Variants in PIK3C2B observed in about 807,000 individuals in gnomAD.
The protein encoded by PIK3C2B is phosphatidylinositol-4-phosphate 3-kinase catalytic subunit type 2 beta, also known as phosphatidylinositol 4-phosphate 3-kinase C2 domain-containing subunit beta.
PIK3C2B carries 83 observed loss-of-function variants against 184.3 expected under a neutral mutation model. The observed-to-expected ratio is 0.45, with a 90% CI of 0.38 to 0.54. The LOEUF (loss-of-function observed/expected upper bound fraction) is 0.54. Ranked by LOEUF, PIK3C2B falls within the 20% of genes least tolerant of loss-of-function variation. The pLI is 0.00. For missense variants in PIK3C2B, 1,736 were observed against 2,113.5 expected (o/e 0.82, Z 3.50); for synonymous variants, 779 against 837.6 (o/e 0.93, Z 1.21).
rs1675179718 is a variant in PIK3C2B at position 204,433,469 on chromosome 1, G to C, written c.3844-44C>G. On this transcript the variant is annotated intron_variant, in intron 25 of 32. Coordinates refer to ENST00000684373, the MANE Select transcript of PIK3C2B (RefSeq NM_001377334.1). This position sits in a 1 kb window ranked among gnomAD's most constrained non-coding sequence, Gnocchi z 5.0. ...AGAAGAGAGGGTGCCTGTAACAACA[G>C]AGAATTCTTGCTGCTTCTCTACCCT... 1 of 1,230,730 alleles carries C rather than the reference G, an allele frequency of 8.1e-7. No homozygotes were observed. Among genetic ancestry groups the C allele is most frequent in the Non-Finnish European group, 1.2e-6 (1 of 833,738 alleles). 76.2% of individuals were successfully genotyped at this position (1,230,730 alleles called of 1,614,324 possible). A position where few individuals can be genotyped will look rare whatever the true frequency, so the allele number is the denominator to read the frequency against.
Position 204,443,572 on chromosome 1 carries a change from A to G in PIK3C2B, c.2893T>C (p.Ser965Pro). Residue 965 changes from serine to proline, a missense_variant, in exon 19 of 33, where the codon TCT (serine) becomes CCT (proline). Physicochemically the swap from Ser to Pro is moderately conservative, Grantham distance 74. Around this residue, in one of 8 missense-constraint regions of PIK3C2B, gnomAD observed 289 missense variants for 380.4 expected, o/e 0.76. Coordinates refer to ENST00000684373, the MANE Select transcript of PIK3C2B (RefSeq NM_001377334.1). ...FWLLKDGLKD[S>P]QFSIRYQYLL... ...TACTGGTAGCGGATGCTGAACTGAG[A>G]GTCCTTGAGGCCGTCCTTCAGTAAC... 1 of 1,614,222 alleles carries G rather than the reference A, an allele frequency of 6.2e-7. No individual in the cohort carries two copies. Among genetic ancestry groups the G allele is most frequent in the African/African-American group, 1.3e-5 (1 of 75,074 alleles).
rs879476087 is a variant in PIK3C2B, at chr1:204,423,702, A to C, written c.*1150T>G. The C allele has an allele frequency of 6.6e-6, 1 of 152,662 alleles. No individual in the cohort carries two copies. The highest frequency in any genetic ancestry group is 1.5e-5 in the Non-Finnish European group (1 of 68,064). 9.5% of individuals were successfully genotyped at this position (152,662 alleles called of 1,614,324 possible). A position where few individuals can be genotyped will look rare whatever the true frequency, so the allele number is the denominator to read the frequency against. On this transcript the variant is annotated 3_prime_UTR_variant, in exon 33 of 33. Transcript: ENST00000684373. ...AGACTAAATAGGTTTATGGCCCCAC[A>C]GAATGAGGAAAAGTCTTATAAAAAG...
intron 2 of PIK3C2B, among the ~76,000 whole-genome samples, chr1:204,466,484 G>GGGGGT (rs57225523): frequency 0.12 from 18,132 of 147,372 alleles, 2,696 homozygotes; most frequent in African/African-American, 0.37. Context: ...ATGGGCGGCG[G>GGGGGT]GGGGTGGGGG....
intron 1 of PIK3C2B, among the ~76,000 whole-genome samples, chr1:204,484,165 TAGAA>T (rs935949260): frequency 6.6e-6 from 1 of 152,012 alleles, no homozygotes; most frequent in African/African-American, 2.4e-5. Flanking sequence ...ATCACAGAAA[TAGAA>T]GGAAGGAAAT....
rs116403680 is a variant in PIK3C2B at position 204,428,207 on chromosome 1, T to C, written c.4412A>G (p.Tyr1471Cys). 6.2e-7 allele frequency: 1 copy of C among 1,610,546 alleles called. No individual in the cohort carries two copies. Among genetic ancestry groups the C allele is most frequent in the East Asian group, 2.2e-5 (1 of 44,878 alleles). ...CCGGGGCAGTGGGTGGAAGAAGGTGTACACCAAATCACACTGGAACAGAAT... is the reference window on the plus strand; with the variant it reads ...CCGGGGCAGTGGGTGGAAGAAGGTGCACACCAAATCACACTGGAACAGAAT... ...PPEVAECDLV[Y>C]TFFHPLPRDE... The change falls in exon 30 of 33, where the codon TAC (tyrosine) becomes TGC (cysteine). Residue 1471 changes from tyrosine to cysteine, a missense_variant. Physicochemically the swap from Tyr to Cys is radical, Grantham distance 194 (BLOSUM62 -2). This residue lies in a region of PIK3C2B where 200 missense variants were observed against 199.1 expected (regional missense o/e 1.00). Coordinates refer to ENST00000684373, the MANE Select transcript of PIK3C2B (RefSeq NM_001377334.1).
Position 204,445,901 on chromosome 1 carries a change from G to A in PIK3C2B, c.2678+55C>T, listed in dbSNP as rs191466771. On this transcript the variant is annotated intron_variant, in intron 16 of 32. Transcript: ENST00000684373. The stretch of plus-strand genomic sequence containing the variant: ...GCTCAGATCACTGATGGGCAGTGTC[G>A]TGCCCTGGCTTCTACAAGAACACAT... The A allele has an allele frequency of 5.9e-5, 74 of 1,258,054 alleles. No individual in the cohort carries two copies. In the East Asian group the frequency reaches 1.0e-3, roughly 18 times the overall value. 77.9% of individuals were successfully genotyped at this position (1,258,054 alleles called of 1,614,324 possible).
At chr1:204,429,857 A>G (rs1469588352) in intron 29 of PIK3C2B, 64 bp downstream of exon 29, 4 of 1,077,504 alleles carry the variant, frequency 3.7e-6, no homozygotes, top group Non-Finnish European at 4.3e-6. Context: ...GGATGCTTCC[A>G]CCTCTGCCTC....
intron 16 of PIK3C2B, among the ~76,000 whole-genome samples, 167 bp downstream of exon 16, chr1:204,445,789 G>T (rs182247988): frequency 6.6e-6 from 1 of 152,094 alleles, no homozygotes; most frequent in Non-Finnish European, 1.5e-5. Context: ...ATATAACATT[G>T]AAGGGAAAAT....
chr1:204,432,536 T>A (rs746167306), intron 26 of PIK3C2B, 135 bp from the exon 27 acceptor site: 66 of 693,358 alleles, frequency 9.5e-5, no homozygotes, highest in Non-Finnish European at 1.6e-4. Flanking sequence ...CTGTGTCATA[T>A]CCTCATAAAG....
intron 1 of PIK3C2B, among the ~76,000 whole-genome samples, chr1:204,481,268 C>CTT (rs59090154): frequency 0.032 from 3,742 of 118,724 alleles, 208 homozygotes; most frequent in African/African-American, 0.072. Flanking sequence ...AGGTCACATT[C>CTT]TTTTTTTTTT....
intron 1 of PIK3C2B, among the ~76,000 whole-genome samples, chr1:204,486,185 C>T (rs1397331462): frequency 6.6e-6 from 1 of 151,448 alleles, no homozygotes; most frequent in African/African-American, 2.4e-5. Flanking sequence ...CACCAGAGGT[C>T]GGGAATTCCA....
rs1400620963 is a variant in PIK3C2B at position 204,434,441 on chromosome 1, C to T, written c.3684G>A (p.Lys1228=). The T allele has an allele frequency of 2.5e-6, 4 of 1,613,882 alleles. No individual in the cohort carries two copies. The highest frequency in any genetic ancestry group is 1.3e-5 in the African/African-American group (1 of 74,944). Residue 1228 remains lysine, a splice_region_variant and synonymous_variant, in exon 24 of 33, where the codon AAG becomes AAA. Transcript: ENST00000684373. ...TCTGGCTTCAGGAGATCACTTACCG[C>T]TTGATGTTGCCAAACATCTGGGCAT... is the stretch of plus-strand genomic sequence containing the variant. ...LGHAQMFGNI[K]RDRAPFVFTS... is the part of the protein sequence containing the mutation.
At position 204,443,550 on chromosome 1, in the gene PIK3C2B, T is replaced by C. The variant is rs761800227; in HGVS notation, c.2915A>G (p.Gln972Arg). 5.6e-5 allele frequency: 91 copies of C among 1,614,098 alleles called. No homozygotes were observed. In the South Asian group the frequency reaches 9.2e-4, roughly 16 times the overall value. The change falls in exon 19 of 33, where the codon CAG becomes CGG. Residue 972 changes from glutamine to arginine, a missense_variant. Gln to Arg is a conservative substitution (Grantham distance 43). Around this residue, in one of 8 missense-constraint regions of PIK3C2B, gnomAD observed 289 missense variants for 380.4 expected, o/e 0.76. Coordinates refer to ENST00000684373, the MANE Select transcript of PIK3C2B (RefSeq NM_001377334.1). ...LKDSQFSIRY[Q>R]YLLAALLCCC... The stretch of plus-strand genomic sequence containing the variant: ...GCACAGTAAGGCTGCCAGCAGATAC[T>C]GGTAGCGGATGCTGAACTGAGAGTC...
At chr1:204,442,072 G>A (rs981829992) in intron 20 of PIK3C2B, among the ~76,000 whole-genome samples, 5 of 152,076 alleles carry the variant, frequency 3.3e-5, no homozygotes, top group African/African-American at 9.7e-5. Flanking sequence ...CTGCCTAGCC[G>A]CCCAACCTCC....
chr1:204,486,796 C>T (rs1657633665), intron 1 of PIK3C2B, among the ~76,000 whole-genome samples: 1 of 152,148 alleles, frequency 6.6e-6, no homozygotes. Flanking sequence ...TAACATCCTT[C>T]ATTTTTTGTT....
Position 204,447,815 on chromosome 1 carries a change from G to A in PIK3C2B, c.2347-237C>T, listed in dbSNP as rs1654006045. Among the ~76,000 whole-genome samples the A allele has an allele frequency of 1.3e-5, 2 of 152,210 alleles. No homozygotes were observed. Among genetic ancestry groups the A allele is most frequent in the East Asian group, 1.9e-4 (1 of 5,190 alleles). On this transcript the variant is annotated intron_variant, in intron 14 of 32. Transcript: ENST00000684373. The surrounding 1 kb of genome is among the most constrained non-coding windows in gnomAD (Gnocchi z 4.1). The stretch of plus-strand genomic sequence containing the variant: ...GAATGGACATGTGAGGAAGAGGTTC[G>A]GTGGAGATGCACCTTGGTGAGGGGT...
chr1:204,455,794 A>G lies in PIK3C2B; in HGVS notation c.1943+62T>C. ...ACAGTGGTATTACATGCAGATAGGA[A>G]AAAGCCCTGGTGGAGGTCAAACTCA... On this transcript the variant is annotated intron_variant, in intron 11 of 32. Coordinates refer to ENST00000684373, the MANE Select transcript of PIK3C2B (RefSeq NM_001377334.1). The G allele has an allele frequency of 1.5e-6, 2 of 1,321,596 alleles. 1 individual carries two copies. The highest frequency in any genetic ancestry group is 2.7e-5 in the South Asian group (2 of 73,214). The allele number at this position is 1,321,596 out of a possible 1,614,324, so 81.9% of individuals were successfully genotyped here.
chr1:204,432,655 A>G (rs1423622187), intron 26 of PIK3C2B, among the ~76,000 whole-genome samples: 13 of 152,238 alleles, frequency 8.5e-5, no homozygotes. Flanking sequence ...ACCAAGGTAG[A>G]AAGGAACTAG....
intron 20 of PIK3C2B, 146 bp from the exon 21 acceptor site, chr1:204,441,709 GA>G: frequency 1.8e-6 from 1 of 561,694 alleles, no homozygotes; most frequent in Admixed American, 3.1e-5. Context: ...GGATTTCCCA[GA>G]AACCCAATTT....
Sources: allele counts gnomAD v4.1 joint callset (sites outside exome capture counted in the v4.1 genomes callset), GRCh38; gene constraint gnomAD v4.1.1; regional missense constraint gnomAD v4.1.1; non-coding constraint Gnocchi (gnomAD v3.1); transcripts MANE v1.5; gene names NCBI Gene and HGNC (gene_info 2026-07-23, HGNC 2026-07-21).